Variants in RPL32 observed in about 807,000 individuals in gnomAD.
RPL32 encodes the protein ribosomal protein L32.
For missense variants in RPL32, 117 were observed against 173.7 expected, an observed-to-expected ratio of 0.67 and a Z score of 1.83; for synonymous variants, 61 against 62.6, an observed-to-expected ratio of 0.98 and a Z score of 0.12.
In RPL32 at chr3:12,836,079, G is replaced by C; in HGVS notation, c.*15C>G. The stretch of plus-strand genomic sequence containing the variant: ...TTTTACATTTATTTAAACAGAAAAC[G>C]TGCACATGAGCTGCCTACTCATTTT... On this transcript the variant is annotated 3_prime_UTR_variant, in exon 4 of 4. Transcript: ENST00000429711. The C allele has an allele frequency of 6.2e-7, 1 of 1,610,206 alleles. No individual in the cohort carries two copies. Among genetic ancestry groups the C allele is most frequent in the Non-Finnish European group, 8.5e-7 (1 of 1,179,774 alleles).
chr3:12,840,511 AC>A (rs2062143410), intron 1 of RPL32: 1 of 584,432 alleles, frequency 1.7e-6, no homozygotes, highest in African/African-American at 1.8e-5. Context: ...ATCAAAACTG[AC>A]CCCAAGACAC....
chr3:12,835,546 A>C lies in RPL32; in HGVS notation c.*548T>G. The C allele has an allele frequency of 6.4e-6, 1 of 156,148 alleles. No individual in the cohort carries two copies. Among genetic ancestry groups the C allele is most frequent in the Non-Finnish European group, 1.4e-5 (1 of 70,432 alleles). The allele number at this position is 156,148 out of a possible 1,614,324, so 9.7% of individuals were successfully genotyped here. ...GCAGCTGGTGGGAGGGTTATAGGAG[A>C]CTGAAAGTGCTTTTCCAGTTAACCG... On this transcript the variant is annotated 3_prime_UTR_variant, in exon 4 of 4. Transcript: ENST00000429711.
intron 3 of RPL32, 96 bp downstream of exon 3, chr3:12,839,253 A>G (rs1221391031): frequency 1.7e-6 from 2 of 1,180,232 alleles, no homozygotes. Context: ...ACCCCCCGCC[A>G]AAATGCATCC....
intron 1 of RPL32, chr3:12,841,161 C>T (rs1373680509): frequency 1.3e-5 from 2 of 152,376 alleles, no homozygotes; most frequent in Non-Finnish European, 2.9e-5. Context: ...GCGCTGGGAT[C>T]CACAGATCCC....
intron 3 of RPL32, 74 bp from the exon 4 acceptor site, chr3:12,836,297 G>A (rs569715684): frequency 1.9e-6 from 3 of 1,573,942 alleles, no homozygotes; most frequent in Non-Finnish European, 2.6e-6. Flanking sequence ...GAGAGGCAAT[G>A]AGTCCCAGCA....
In RPL32 at chr3:12,835,912, C is replaced by G; in HGVS notation, c.*182G>C. 1 of 681,242 alleles carries G rather than the reference C, an allele frequency of 1.5e-6. No individual in the cohort carries two copies. The allele number at this position is 681,242 out of a possible 1,614,324, so 42.2% of individuals were successfully genotyped here. A position where few individuals can be genotyped will look rare whatever the true frequency, so the allele number is the denominator to read the frequency against. On this transcript the variant is annotated 3_prime_UTR_variant, in exon 4 of 4. Coordinates refer to ENST00000429711, the MANE Select transcript of RPL32 (RefSeq NM_000994.4). Reference sequence around the variant, plus strand: ...GCACTTGAGGCCACATTCCCCTGTTCAAGGACTGAGTGTCCTTTACAAATC... The same window carrying G: ...GCACTTGAGGCCACATTCCCCTGTTGAAGGACTGAGTGTCCTTTACAAATC...
At chr3:12,840,637 G>A (rs1017561931) in intron 1 of RPL32, 23 of 413,188 alleles carry the variant, frequency 5.6e-5, no homozygotes, top group Non-Finnish European at 1.1e-4. Context: ...TTCCTCACCT[G>A]TAAAATGAAG....
In RPL32 at chr3:12,836,047, T is replaced by C; in HGVS notation, c.*47A>G. 3.1e-6 allele frequency: 5 copies of C among 1,600,996 alleles called. No homozygotes were observed. The highest frequency in any genetic ancestry group is 4.3e-6 in the Non-Finnish European group (5 of 1,175,006). On this transcript the variant is annotated 3_prime_UTR_variant, in exon 4 of 4. Transcript: ENST00000429711. The stretch of plus-strand genomic sequence containing the variant: ...AAAATCAAGGAAGGAAGATGCCAGA[T>C]GGCAGTTTTTACATTTATTTAAACA...
Position 12,839,498 on chromosome 3 carries a change from G to A in RPL32, c.129C>T (p.Asn43=). The A allele has an allele frequency of 6.2e-7, 1 of 1,614,176 alleles. No homozygotes were observed. The highest frequency in any genetic ancestry group is 8.5e-7 in the Non-Finnish European group (1 of 1,180,038). The change falls in exon 3 of 4, where the codon AAC becomes AAT. Residue 43 remains asparagine (N), a synonymous_variant. Coordinates refer to ENST00000429711, the MANE Select transcript of RPL32 (RefSeq NM_000994.4). ...RNWRKPRGID[N]RVRRRFKGQI... is the part of the protein sequence containing the mutation. ...GGCCCTTGAATCTTCTACGAACCCT[G>A]TTGTCAATGCCTCTGGGTTTCCGCC...
chr3:12,840,288 A>T (rs778071856), intron 1 of RPL32, 46 bp from the exon 2 acceptor site: 44 of 1,365,982 alleles, frequency 3.2e-5, no homozygotes, highest in Non-Finnish European at 4.5e-5. Flanking sequence ...TCCTGGAAGG[A>T]GGCTTTCCTG....
At chr3:12,839,322 G>T (rs746630575) in intron 3 of RPL32, 27 bp downstream of exon 3, 1 of 1,610,148 alleles carries the variant, frequency 6.2e-7, no homozygotes. Flanking sequence ...TCTGATCACT[G>T]AAAACTAGAG....
In RPL32 at chr3:12,836,123, C is replaced by T; in HGVS notation, c.379G>A (p.Ala127Thr). 2.5e-6 allele frequency: 4 copies of T among 1,610,094 alleles called. No individual in the cohort carries two copies. Among genetic ancestry groups the T allele is most frequent in the Non-Finnish European group, 3.4e-6 (4 of 1,179,994 alleles). The change falls in exon 4 of 4, where the codon GCC becomes ACC. Residue 127 changes from alanine (A) to threonine (T), a missense_variant. Transcript: ENST00000429711. ...TCATTTTCTTCACTGCGCAGCCTGG[C>T]ATTGGGGTTGGTGACTCTGATGGCC... ...QLAIRVTNPNARLRSEENE is the reference protein window; with the variant it reads ...QLAIRVTNPNTRLRSEENE
rs2062083224 is a variant in RPL32 at position 12,834,489 on chromosome 3, T to C, written c.*1605A>G. ...TTTAAAATTCAAAACGGTTCATTTTTAAGTGGCAGTGATGAATCAGAAATT... is the reference window on the plus strand; with the variant it reads ...TTTAAAATTCAAAACGGTTCATTTTCAAGTGGCAGTGATGAATCAGAAATT... On this transcript the variant is annotated 3_prime_UTR_variant, in exon 4 of 4. Coordinates refer to ENST00000429711, the MANE Select transcript of RPL32 (RefSeq NM_000994.4). 6.4e-6 allele frequency: 1 copy of C among 155,136 alleles called. No homozygotes were observed. The highest frequency in any genetic ancestry group is 2.4e-5 in the African/African-American group (1 of 41,498). The allele number at this position is 155,136 out of a possible 1,614,324, so 9.6% of individuals were successfully genotyped here.
intron 3 of RPL32, among the ~76,000 whole-genome samples, chr3:12,838,181 C>T (rs550755852): frequency 6.6e-6 from 1 of 152,276 alleles, no homozygotes; most frequent in East Asian, 1.9e-4. Context: ...CTAAGGCAGG[C>T]AGACCGCTTA....
At chr3:12,840,601 TG>T (rs1205934490) in intron 1 of RPL32, 3 of 449,366 alleles carry the variant, frequency 6.7e-6, no homozygotes, top group Non-Finnish European at 1.3e-5. Context: ...GTACTGGCCT[TG>T]ACCATCTACT....
chr3:12,837,076 G>A (rs998728169), intron 3 of RPL32, among the ~76,000 whole-genome samples: 2 of 152,106 alleles, frequency 1.3e-5, no homozygotes, highest in African/African-American at 2.4e-5. Flanking sequence ...ATGTTTCTAC[G>A]TTTTAAAGAC....
intron 2 of RPL32, among the ~76,000 whole-genome samples, chr3:12,839,761 A>C (rs537819136): frequency 2.6e-5 from 4 of 152,322 alleles, no homozygotes; most frequent in Non-Finnish European, 5.9e-5. Context: ...GCAATGGAGG[A>C]GGCACCAATG....
intron 3 of RPL32, among the ~76,000 whole-genome samples, chr3:12,837,992 G>C (rs2062112651): frequency 6.6e-6 from 1 of 152,326 alleles, no homozygotes; most frequent in Non-Finnish European, 1.5e-5. Context: ...TAGCTACCAG[G>C]AAGGCTGAGA....
chr3:12,836,296 T>A, intron 3 of RPL32, 73 bp from the exon 4 acceptor site: 1 of 1,577,972 alleles, frequency 6.3e-7, no homozygotes. Context: ...GGAGAGGCAA[T>A]GAGTCCCAGC....
Sources: gnomAD v4.1 joint callset for allele counts (sites outside exome capture counted in the v4.1 genomes callset) on GRCh38, gnomAD v4.1.1 for gene constraint, MANE v1.5 for transcripts, NCBI Gene and HGNC (gene_info 2026-07-23, HGNC 2026-07-21) for gene names.